Variants in KCNQ1 observed in about 807,000 individuals in gnomAD.
The protein encoded by KCNQ1 is potassium voltage-gated channel subfamily Q member 1.
KCNQ1 carries 49 observed loss-of-function variants against 72.4 expected under a neutral mutation model. The ratio of observed to expected loss-of-function variants is 0.68; its 90% CI spans 0.54 to 0.86. The LOEUF (loss-of-function observed/expected upper bound fraction) is 0.86, where lower values mean the gene tolerates loss of function less well. Among genes scored for constraint, KCNQ1 ranks in the 40% least tolerant of loss-of-function variants. The probability of loss-of-function intolerance (pLI) is 0.00; values close to 1 mark genes in which losing one functional copy is unlikely to be tolerated. For synonymous variants in KCNQ1, 450 were observed against 412.6 expected, an observed-to-expected ratio of 1.09 and a Z score of -1.10; for missense variants, 790 against 945.1, an observed-to-expected ratio of 0.84 and a Z score of 2.15.
In KCNQ1 at chr11:2,490,881, G is replaced by GTTTT. The variant is rs563964016; in HGVS notation, c.387-37046_387-37043dup. Reference sequence around the variant, plus strand: ...TTTTTGTTTGTTTGTTTGTTTGTTTGTTTTAGTAGAGACAGGGTTTCTCCA... The same window carrying GTTTT: ...TTTTTGTTTGTTTGTTTGTTTGTTTGTTTTTTTTAGTAGAGACAGGGTTTCTCCA... On this transcript the variant is annotated intron_variant, in intron 1 of 15. Coordinates refer to ENST00000155840, the MANE Select transcript of KCNQ1 (RefSeq NM_000218.3). Among the ~76,000 whole-genome samples the GTTTT allele has an allele frequency of 5.9e-5, 9 of 151,742 alleles. 2 individuals carry two copies. The highest frequency in any genetic ancestry group is 1.2e-4 in the Non-Finnish European group (8 of 67,890).
rs1162491023 is a variant in KCNQ1 at position 2,471,706 on chromosome 11, GTGTGTGTA to G, written c.386+26229_386+26236del. Among the ~76,000 whole-genome samples the G allele has an allele frequency of 6.6e-6, 1 of 150,582 alleles. No homozygotes were observed. Among genetic ancestry groups the G allele is most frequent in the Non-Finnish European group, 1.5e-5 (1 of 67,800 alleles). ...TGTATGGGTGTGCATGTGTGTATAG[GTGTGTGTA>G]TGTGTGCATGGGCGTGTGTATGTGT... On this transcript the variant is annotated intron_variant, in intron 1 of 15. Coordinates refer to ENST00000155840, the MANE Select transcript of KCNQ1 (RefSeq NM_000218.3). This position sits in a 1 kb window ranked among gnomAD's most constrained non-coding sequence, Gnocchi z 4.8.
chr11:2,632,810 CT>C (rs1849382870), intron 10 of KCNQ1: 1 of 398,292 alleles, frequency 2.5e-6, no homozygotes, highest in Non-Finnish European at 4.4e-6. Context: ...CATTCTTTCT[CT>C]GCATCTGCTG....
intron 11 of KCNQ1, among the ~76,000 whole-genome samples, chr11:2,753,593 C>A (rs962664290): frequency 6.6e-6 from 1 of 152,210 alleles, no homozygotes; most frequent in African/African-American, 2.4e-5. Context: ...GTATACACCT[C>A]AGTGGCTTTT....
At chr11:2,615,534 G>A in intron 10 of KCNQ1, 1 of 397,880 alleles carries the variant, frequency 2.5e-6, no homozygotes, top group Non-Finnish European at 4.4e-6. Flanking sequence ...ATTAGTTGTG[G>A]ATTTTTCACA....
At chr11:2,736,401 T>A (rs552840830) in intron 11 of KCNQ1, among the ~76,000 whole-genome samples, 1 of 152,220 alleles carries the variant, frequency 6.6e-6, no homozygotes, top group East Asian at 1.9e-4. Flanking sequence ...GGAGTCTGGA[T>A]TTTTTGGAGT....
rs1373156449 is a variant in KCNQ1, at chr11:2,498,471, C to T, written c.387-29457C>T. On this transcript the variant is annotated intron_variant, in intron 1 of 15. Transcript: ENST00000155840. The surrounding 1 kb of genome is among the most constrained non-coding windows in gnomAD (Gnocchi z 4.8). ...TTCTGCCCAGTCCAAGCCTCCCAGCCTCCTTAGCACTATCAGGGGAAAACC... is the reference window on the plus strand; with the variant it reads ...TTCTGCCCAGTCCAAGCCTCCCAGCTTCCTTAGCACTATCAGGGGAAAACC... Among the ~76,000 whole-genome samples the T allele has an allele frequency of 1.3e-5, 2 of 152,214 alleles. No individual in the cohort carries two copies. The highest frequency in any genetic ancestry group is 2.1e-4 in the South Asian group (1 of 4,826).
At chr11:2,660,494 C>G (rs1338148084) in intron 10 of KCNQ1, 1 of 398,424 alleles carries the variant, frequency 2.5e-6, no homozygotes, top group Non-Finnish European at 4.4e-6. Context: ...CTATCTATGC[C>G]TCATATAACA....
At chr11:2,452,750 G>A (rs739677) in intron 1 of KCNQ1, among the ~76,000 whole-genome samples, 84,745 of 152,148 alleles carry the variant, frequency 0.56, 28,164 homozygotes, top group Non-Finnish European at 0.74. Context: ...TGCCTTATAG[G>A]CAGGCAGATC....
chr11:2,637,749 C>A (rs535173778), intron 10 of KCNQ1: 1 of 152,148 alleles, frequency 6.6e-6, no homozygotes, highest in Non-Finnish European at 1.5e-5. Context: ...TGTTAACTTC[C>A]GGTCTTGTTG....
rs1471950272 is a variant in KCNQ1 at position 2,735,876 on chromosome 11, C to G, written c.1515-32968C>G. 6.6e-6 allele frequency among the ~76,000 whole-genome samples: 1 copy of G among 152,176 alleles called. No individual in the cohort carries two copies. Among genetic ancestry groups the G allele is most frequent in the Admixed American group, 6.5e-5 (1 of 15,284 alleles). On this transcript the variant is annotated intron_variant, in intron 11 of 15. Coordinates refer to ENST00000155840, the MANE Select transcript of KCNQ1 (RefSeq NM_000218.3). This position sits in a 1 kb window ranked among gnomAD's most constrained non-coding sequence, Gnocchi z 7.7. ...GGATTAGGGCTCACCCTTATACCCC[C>G]ATTCTGCTTTAATTACTTCTTATAA...
intron 15 of KCNQ1, among the ~76,000 whole-genome samples, chr11:2,779,127 C>G (rs951785595): frequency 3.9e-5 from 6 of 152,216 alleles, no homozygotes; most frequent in African/African-American, 1.2e-4. Flanking sequence ...CAGCACAGAC[C>G]TGAGCAGGGC....
At chr11:2,761,767 C>T (rs1237579254) in intron 11 of KCNQ1, among the ~76,000 whole-genome samples, 2 of 152,238 alleles carry the variant, frequency 1.3e-5, no homozygotes, top group African/African-American at 4.8e-5. Context: ...GTGGCTGACC[C>T]ACAGCATGGC....
rs995097020 is a variant in KCNQ1, at chr11:2,488,701, C to A, written c.387-39227C>A. Among the ~76,000 whole-genome samples the A allele has an allele frequency of 3.9e-5, 6 of 152,154 alleles. No homozygotes were observed. The highest frequency in any genetic ancestry group is 1.4e-4 in the African/African-American group (6 of 41,452). ...TTCTGTAGAATTGATAGTCATGTCC[C>A]TATTTTCACTTCTGATTTCAGTAGT... is the stretch of plus-strand genomic sequence containing the variant. On this transcript the variant is annotated intron_variant, in intron 1 of 15. Coordinates refer to ENST00000155840, the MANE Select transcript of KCNQ1 (RefSeq NM_000218.3). This position sits in a 1 kb window ranked among gnomAD's most constrained non-coding sequence, Gnocchi z 5.1.
rs1185587299 is a variant in KCNQ1 at position 2,526,163 on chromosome 11, T to C, written c.387-1765T>C. The stretch of plus-strand genomic sequence containing the variant: ...CAAGGGCCGGGAGGAGCTGGGGTGA[T>C]CTGGGGCCATCGTGGTGTAAATACT... On this transcript the variant is annotated intron_variant, in intron 1 of 15. Transcript: ENST00000155840. The surrounding 1 kb of genome is among the most constrained non-coding windows in gnomAD (Gnocchi z 6.1). Among the ~76,000 whole-genome samples, 1 of 151,950 alleles carries C rather than the reference T, an allele frequency of 6.6e-6. No homozygotes were observed. Among genetic ancestry groups the C allele is most frequent in the Non-Finnish European group, 1.5e-5 (1 of 67,986 alleles).
Position 2,547,194 on chromosome 11 carries a change from C to A in KCNQ1, c.477+19176C>A, listed in dbSNP as rs1339822077. 6.6e-6 allele frequency among the ~76,000 whole-genome samples: 1 copy of A among 152,100 alleles called. No individual in the cohort carries two copies. Among genetic ancestry groups the A allele is most frequent in the Non-Finnish European group, 1.5e-5 (1 of 68,008 alleles). ...TTCTTTACAATATGTGTATTATTTT[C>A]TTTTAAAAACATTTGGGTAATTAGG... On this transcript the variant is annotated intron_variant, in intron 2 of 15. Transcript: ENST00000155840. The surrounding 1 kb of genome is among the most constrained non-coding windows in gnomAD (Gnocchi z 4.2).
intron 15 of KCNQ1, among the ~76,000 whole-genome samples, chr11:2,807,236 G>A (rs117885355): frequency 0.029 from 4,414 of 152,314 alleles, 109 homozygotes; most frequent in Non-Finnish European, 0.038. Flanking sequence ...AAGCCGCAGC[G>A]ACGCCTCGAA....
chr11:2,839,351 C>T lies in KCNQ1; in HGVS notation c.1795-8416C>T, dbSNP rs540334637. 7.2e-5 allele frequency among the ~76,000 whole-genome samples: 11 copies of T among 152,368 alleles called. No homozygotes were observed. In the East Asian group the frequency reaches 2.1e-3, roughly 29 times the overall value. On this transcript the variant is annotated intron_variant, in intron 15 of 15. Coordinates refer to ENST00000155840, the MANE Select transcript of KCNQ1 (RefSeq NM_000218.3). ...ACTCCCTCCATGACCTCTGTCCCCA[C>T]CCTGAAGTTGACATGAATGTCCGCA...
chr11:2,560,999 G>A (rs1848156225), intron 2 of KCNQ1, among the ~76,000 whole-genome samples: 1 of 151,816 alleles, frequency 6.6e-6, no homozygotes, highest in African/African-American at 2.4e-5. Context: ...TCAGGAGATC[G>A]AGACCATCCT....
chr11:2,546,145 A>T (rs903595866), intron 2 of KCNQ1, among the ~76,000 whole-genome samples: 1 of 151,904 alleles, frequency 6.6e-6, no homozygotes, highest in African/African-American at 2.4e-5. Flanking sequence ...ACATCCACAA[A>T]TTTTGTGTTT....
Sources: allele counts gnomAD v4.1 joint callset (sites outside exome capture counted in the v4.1 genomes callset), GRCh38; gene constraint gnomAD v4.1.1; non-coding constraint Gnocchi (gnomAD v3.1); transcripts MANE v1.5; gene names NCBI Gene and HGNC (gene_info 2026-07-23, HGNC 2026-07-21).